NRG1: variants seen among roughly 807,000 people sequenced by gnomAD.
The protein encoded by NRG1 is neuregulin 1.
NRG1 carries 18 observed loss-of-function variants against 63.8 expected under a neutral mutation model. The observed-to-expected ratio is 0.28, with a 90% CI of 0.19 to 0.42. The LOEUF (loss-of-function observed/expected upper bound fraction) is 0.42, where lower values mean the gene tolerates loss of function less well. Among genes scored for constraint, NRG1 ranks in the 10% least tolerant of loss-of-function variants. The probability of loss-of-function intolerance (pLI) is 1.00; values close to 1 mark genes in which losing one functional copy is unlikely to be tolerated. For missense variants in NRG1, 762 were observed against 814.7 expected, an observed-to-expected ratio of 0.94 and a Z score of 0.79; for synonymous variants, 302 against 301.3, an observed-to-expected ratio of 1.00 and a Z score of -0.02.
At chr8:31,760,092 A>C (rs796905136) in intron 1 of NRG1, among the ~76,000 whole-genome samples, 4 of 152,216 alleles carry the variant, frequency 2.6e-5, no homozygotes, top group African/African-American at 9.6e-5. Flanking sequence ...ACTTTGTCCA[A>C]ACTCTTGTAA....
chr8:32,074,841 G>GT (rs1378061691), intron 1 of NRG1, among the ~76,000 whole-genome samples: 2 of 152,064 alleles, frequency 1.3e-5, no homozygotes, highest in African/African-American at 2.4e-5. Context: ...ACAAACTGTT[G>GT]TTTTTTTCTT....
At chr8:32,771,715 A>AAAAATATATAT (rs1343943621), downstream of NRG1, among the ~76,000 whole-genome samples, 28 of 111,844 alleles carry the variant, frequency 2.5e-4, no homozygotes, top group Non-Finnish European at 4.3e-4. Context: ...TTAAAAAAAA[A>AAAAATATATAT]ATATATATAT....
intron 1 of NRG1, among the ~76,000 whole-genome samples, chr8:32,321,678 T>A (rs1157484133): frequency 6.6e-6 from 1 of 151,986 alleles, no homozygotes; most frequent in East Asian, 1.9e-4. Flanking sequence ...AACTGAGTAA[T>A]CATTGAAGAT....
At chr8:32,315,240 C>G (rs1033624288) in intron 1 of NRG1, among the ~76,000 whole-genome samples, 4 of 152,140 alleles carry the variant, frequency 2.6e-5, no homozygotes, top group Non-Finnish European at 5.9e-5. Flanking sequence ...CTCCCTCTGC[C>G]CACCCCCCTG....
chr8:32,602,023 T>C (rs1474079347), intron 2 of NRG1, among the ~76,000 whole-genome samples: 1 of 152,206 alleles, frequency 6.6e-6, no homozygotes, highest in African/African-American at 2.4e-5. Flanking sequence ...CGTACGTGAA[T>C]GTACTTGTGA....
At chr8:32,755,944 G>A (rs1829599569) in intron 8 of NRG1, among the ~76,000 whole-genome samples, 1 of 151,994 alleles carries the variant, frequency 6.6e-6, no homozygotes, top group African/African-American at 2.4e-5. Flanking sequence ...ACTTCTCCAT[G>A]TTGCCCAGGC....
Position 32,725,464 on chromosome 8 carries a change from A to ATTTTTTTTTTTTTTTT in NRG1, c.503-2471_503-2456dup, listed in dbSNP as rs71209904. Among the ~76,000 whole-genome samples, 54 of 67,582 alleles carry ATTTTTTTTTTTTTTTT rather than the reference A, an allele frequency of 8.0e-4. 5 individuals are homozygous for ATTTTTTTTTTTTTTTT. Among genetic ancestry groups the ATTTTTTTTTTTTTTTT allele is most frequent in the South Asian group, 3.2e-3 (4 of 1,256 alleles). The allele number at this position is 67,582 out of a possible 152,430, so 44.3% of individuals were successfully genotyped here. ...TTTAACATTCGAGGCAAACTTCCTA[A>ATTTTTTTTTTTTTTTT]TTTTTTTTTTTTTTTTTTTTTTTTT... is the stretch of plus-strand genomic sequence containing the variant. On this transcript the variant is annotated intron_variant, in intron 5 of 11. Transcript: ENST00000356819.
chr8:32,487,204 GA>G (rs551561720), intron 1 of NRG1, among the ~76,000 whole-genome samples: 21 of 148,036 alleles, frequency 1.4e-4, no homozygotes, highest in Admixed American at 2.7e-4. Flanking sequence ...TCAAAAGAAA[GA>G]AAAAAACCAC....
chr8:31,793,593 T>A (rs1405776056), intron 1 of NRG1, among the ~76,000 whole-genome samples: 1 of 152,244 alleles, frequency 6.6e-6, no homozygotes, highest in African/African-American at 2.4e-5. Flanking sequence ...GTTATTGGAA[T>A]TACTTGAGAA....
At chr8:31,995,632 G>A (rs1267993834) in intron 1 of NRG1, among the ~76,000 whole-genome samples, 3 of 151,724 alleles carry the variant, frequency 2.0e-5, no homozygotes, top group African/African-American at 4.8e-5. Flanking sequence ...GCGGGGAGGG[G>A]GCTTTAAGGT....
chr8:32,490,455 G>T (rs1433491123), intron 1 of NRG1, among the ~76,000 whole-genome samples: 2 of 150,716 alleles, frequency 1.3e-5, no homozygotes, highest in Non-Finnish European at 2.9e-5. Flanking sequence ...ACAGGTACTG[G>T]GGCATAATGA....
intron 1 of NRG1, among the ~76,000 whole-genome samples, chr8:31,960,752 T>C (rs1339097817): frequency 6.6e-6 from 1 of 152,232 alleles, no homozygotes; most frequent in Non-Finnish European, 1.5e-5. Flanking sequence ...CCCAGACACC[T>C]GGGACTCCTC....
chr8:32,197,063 G>A (rs1289884047), intron 1 of NRG1, among the ~76,000 whole-genome samples: 2 of 141,480 alleles, frequency 1.4e-5, no homozygotes, highest in Admixed American at 7.6e-5. Context: ...GGGTTCAAAC[G>A]ATTCTCCTGC....
At chr8:32,311,316 G>A (rs990306570) in intron 1 of NRG1, among the ~76,000 whole-genome samples, 3 of 152,148 alleles carry the variant, frequency 2.0e-5, no homozygotes, top group Admixed American at 6.5e-5. Context: ...AAGTGCTACC[G>A]ATAAGATGAA....
chr8:31,658,705 T>C (rs1034594370), intron 1 of NRG1, among the ~76,000 whole-genome samples: 2 of 152,150 alleles, frequency 1.3e-5, no homozygotes, highest in Non-Finnish European at 2.9e-5. Flanking sequence ...TCAAGTAATC[T>C]GCCTGCCTTG....
chr8:32,662,805 A>T (rs1803195063), intron 5 of NRG1, among the ~76,000 whole-genome samples: 2 of 152,184 alleles, frequency 1.3e-5, no homozygotes, highest in South Asian at 2.1e-4. Flanking sequence ...ACCAACTGAG[A>T]TGGAGATGAT....
At chr8:32,568,384 T>C (rs966701638) in intron 1 of NRG1, among the ~76,000 whole-genome samples, 1 of 152,220 alleles carries the variant, frequency 6.6e-6, no homozygotes, top group Non-Finnish European at 1.5e-5. Context: ...ACTAGTTCTT[T>C]AAGTTAAATT....
chr8:32,006,089 G>T (rs887787607), intron 1 of NRG1, among the ~76,000 whole-genome samples: 4 of 151,960 alleles, frequency 2.6e-5, no homozygotes, highest in Non-Finnish European at 4.4e-5. Flanking sequence ...TAACTACCTA[G>T]AGAATAATGG....
intron 1 of NRG1, among the ~76,000 whole-genome samples, chr8:32,453,258 A>T (rs367736467): frequency 4.5e-4 from 68 of 152,306 alleles, no homozygotes; most frequent in African/African-American, 1.6e-3. Context: ...AAAAACTGAG[A>T]CAACATATAT....
Sources: allele counts gnomAD v4.1 joint callset (sites outside exome capture counted in the v4.1 genomes callset), GRCh38; gene constraint gnomAD v4.1.1; transcripts MANE v1.5; gene names NCBI Gene and HGNC (gene_info 2026-07-23, HGNC 2026-07-21).